GLI3: variants seen among roughly 807,000 people sequenced by gnomAD.
GLI3 encodes the protein transcription activator GLI3.
In GLI3, 20 loss-of-function variants were observed where a neutral mutation model predicts 100.8. That is an observed-to-expected ratio of 0.20 (90% CI 0.14 to 0.29). GLI3 has a LOEUF of 0.29. Among genes scored for constraint, GLI3 ranks in the 10% least tolerant of loss-of-function variants. GLI3 has a pLI of 1.00. For missense variants in GLI3, 2,040 were observed against 2,128.5 expected (o/e 0.96, Z 0.82); for synonymous variants, 938 against 860.5 (o/e 1.09, Z -1.58).
chr7:42,023,476 G>A lies in GLI3; in HGVS notation c.1489C>T (p.Leu497Phe). The A allele has an allele frequency of 6.2e-7, 1 of 1,614,168 alleles. No homozygotes were observed. ...GAATACCATCCACTTACGTGCACAAGCTGCTCTTGGGTGTCGAACTCCCTC... is the reference window on the plus strand; with the variant it reads ...GAATACCATCCACTTACGTGCACAAACTGCTCTTGGGTGTCGAACTCCCTC... Reference protein sequence around the residue: ...CAREFDTQEQLVHHINNDHIH... With the variant: ...CAREFDTQEQFVHHINNDHIH... The change falls in exon 10 of 15, where the codon CTT (leucine) becomes TTT (phenylalanine). Residue 497 changes from leucine (L) to phenylalanine (F), a missense_variant. Around this residue, in one of 5 missense-constraint regions of GLI3, gnomAD observed 603 missense variants for 690.9 expected, o/e 0.87. Transcript: ENST00000395925.
intron 12 of GLI3, 22 bp downstream of exon 12, chr7:41,977,536 C>T (rs1232989504): frequency 6.2e-7 from 1 of 1,612,336 alleles, no homozygotes; most frequent in Non-Finnish European, 8.5e-7. Flanking sequence ...ATGCAAGCTC[C>T]ATGCCCACTG....
intron 3 of GLI3, among the ~76,000 whole-genome samples, chr7:42,110,328 C>T (rs1461416700): frequency 6.6e-6 from 1 of 152,202 alleles, no homozygotes; most frequent in Non-Finnish European, 1.5e-5. Context: ...AATAAAGGTG[C>T]ATCTCCATTC....
In GLI3 at chr7:42,026,219, C is replaced by G. The variant is rs200411081; in HGVS notation, c.1222G>C (p.Gly408Arg). The G allele has an allele frequency of 1.2e-6, 2 of 1,613,044 alleles. No individual in the cohort carries two copies. Among genetic ancestry groups the G allele is most frequent in the Non-Finnish European group, 1.7e-6 (2 of 1,179,532 alleles). ...TVLNPVQVSSGPSESSQNKPT... is the reference protein window; with the variant it reads ...TVLNPVQVSSRPSESSQNKPT... The stretch of plus-strand genomic sequence containing the variant: ...CTCACCTGTGAGGACTCAGAAGGGC[C>G]GGAGCTGACCTGGACGGGGTTCAGA... Residue 408 changes from glycine to arginine, a missense_variant, in exon 8 of 15, where the codon GGC becomes CGC. This residue lies in a region of GLI3 where 603 missense variants were observed against 690.9 expected (regional missense o/e 0.87). Coordinates refer to ENST00000395925, the MANE Select transcript of GLI3 (RefSeq NM_000168.6).
intron 4 of GLI3, among the ~76,000 whole-genome samples, chr7:42,056,959 G>C (rs1051693875): frequency 1.4e-5 from 2 of 146,934 alleles, no homozygotes; most frequent in Non-Finnish European, 3.0e-5. Flanking sequence ...TCCAGCCAGG[G>C]CAATAAGAGC....
intron 2 of GLI3, among the ~76,000 whole-genome samples, chr7:42,182,656 A>ATATATATATATATATATACATGTGTG (rs1554337010): frequency 3.7e-5 from 2 of 53,700 alleles, no homozygotes; most frequent in African/African-American, 2.3e-4. Flanking sequence ...ATATATATAT[A>ATATATATATATATATATACATGTGTG]TATATATATA....
chr7:42,215,329 G>A (rs1045941175), intron 2 of GLI3, among the ~76,000 whole-genome samples: 4 of 152,216 alleles, frequency 2.6e-5, no homozygotes, highest in East Asian at 1.9e-4. Flanking sequence ...ATCTGGAAAC[G>A]TTTCTATGTA....
chr7:41,968,720 GAAAGAAAGAAAGA>G lies in GLI3; in HGVS notation c.2104-810_2104-798del, dbSNP rs1562661790. On this transcript the variant is annotated intron_variant, in intron 13 of 14. Transcript: ENST00000395925. ...AAGAAAGAAAGAAAGAAAGAAGAAA[GAAAGAAAGAAAGA>G]AAGAAAGAAAGAAAGAAAGAAAGAA... 2.0e-3 allele frequency among the ~76,000 whole-genome samples: 201 copies of G among 102,114 alleles called. 1 individual carries two copies. The highest frequency in any genetic ancestry group is 8.8e-3 in the Middle Eastern group (2 of 228). The allele number at this position is 102,114 out of a possible 152,430, so 67.0% of individuals were successfully genotyped here.
At chr7:42,238,805 C>T (rs1212458568), upstream of GLI3, among the ~76,000 whole-genome samples, 1 of 152,236 alleles carries the variant, frequency 6.6e-6, no homozygotes, top group Non-Finnish European at 1.5e-5. Context: ...GCCCCTGTGA[C>T]ATTCCAACAT....
rs764443642 is a variant in GLI3 at position 41,972,031 on chromosome 7, A to G, written c.2103+306T>C. Among the ~76,000 whole-genome samples the G allele has an allele frequency of 6.6e-6, 1 of 152,236 alleles. No individual in the cohort carries two copies. The highest frequency in any genetic ancestry group is 1.5e-5 in the Non-Finnish European group (1 of 68,042). The stretch of plus-strand genomic sequence containing the variant: ...AGAAGACAGAAAGCATGTTTACAGG[A>G]AGAGTCAATGAATGATTTTCGACAT... On this transcript the variant is annotated intron_variant, in intron 13 of 14. Coordinates refer to ENST00000395925, the MANE Select transcript of GLI3 (RefSeq NM_000168.6). This position sits in a 1 kb window ranked among gnomAD's most constrained non-coding sequence, Gnocchi z 4.4.
chr7:42,023,816 C>A lies in GLI3; in HGVS notation c.1357-208G>T, dbSNP rs527640416. Among the ~76,000 whole-genome samples, 4 of 152,174 alleles carry A rather than the reference C, an allele frequency of 2.6e-5. No individual in the cohort carries two copies. In the East Asian group the frequency reaches 7.7e-4, roughly 29 times the overall value. ...AGAGTTTTAAACGTCTGATTCAAGG[C>A]AACAGCCTGTCAAAATTATGAATTA... On this transcript the variant is annotated intron_variant, in intron 9 of 14. Coordinates refer to ENST00000395925, the MANE Select transcript of GLI3 (RefSeq NM_000168.6).
chr7:42,035,758 AAAG>A, intron 7 of GLI3, among the ~76,000 whole-genome samples: 1 of 152,220 alleles, frequency 6.6e-6, no homozygotes, highest in East Asian at 1.9e-4. Context: ...GGGTTTTAGC[AAAG>A]GTACACTATT....
intron 2 of GLI3, among the ~76,000 whole-genome samples, chr7:42,218,533 C>G (rs2128700867): frequency 6.6e-6 from 1 of 151,822 alleles, no homozygotes; most frequent in East Asian, 2.0e-4. Context: ...AATTGCAAGG[C>G]CAAGAAGTGA....
intron 10 of GLI3, among the ~76,000 whole-genome samples, chr7:41,979,220 G>A (rs961115770): frequency 1.3e-5 from 2 of 152,202 alleles, no homozygotes; most frequent in African/African-American, 4.8e-5. Flanking sequence ...AAAAGGGAAG[G>A]CACACACAGA....
intron 4 of GLI3, 36 bp from the exon 5 acceptor site, chr7:42,048,732 A>G: frequency 7.5e-7 from 1 of 1,327,884 alleles, no homozygotes. Flanking sequence ...AGGGGTATGC[A>G]TGAGACAAAT....
intron 3 of GLI3, among the ~76,000 whole-genome samples, chr7:42,083,300 T>G (rs1785035002): frequency 6.6e-6 from 1 of 152,366 alleles, no homozygotes; most frequent in South Asian, 2.1e-4. Context: ...AAGTTCTTTC[T>G]GCACCTGGCT....
At chr7:42,215,123 C>A (rs1259109087) in intron 2 of GLI3, among the ~76,000 whole-genome samples, 1 of 151,936 alleles carries the variant, frequency 6.6e-6, no homozygotes, top group Non-Finnish European at 1.5e-5. Flanking sequence ...GGGACTCACA[C>A]CATATGCGTT....
At chr7:42,099,037 T>TC (rs1470606923) in intron 3 of GLI3, among the ~76,000 whole-genome samples, 1 of 151,944 alleles carries the variant, frequency 6.6e-6, no homozygotes, top group African/African-American at 2.4e-5. Flanking sequence ...CCCTGCCTGC[T>TC]CCCCCGTGCC....
At position 42,007,222 on chromosome 7, in the gene GLI3, TAAA is replaced by T. The variant is rs35750462; in HGVS notation, c.1497+16243_1497+16245del. 7.3e-5 allele frequency among the ~76,000 whole-genome samples: 9 copies of T among 122,792 alleles called. No homozygotes were observed. The South Asian group carries it at 1.1e-3, about 15-fold the overall frequency. The allele number at this position is 122,792 out of a possible 152,430, so 80.6% of individuals were successfully genotyped here. On this transcript the variant is annotated intron_variant, in intron 10 of 14. Transcript: ENST00000395925. The stretch of plus-strand genomic sequence containing the variant: ...AGATAATGATGCTAAGGAGGAAATT[TAAA>T]AAAAAAAAAAAAAAAAGGAAGGAAG...
intron 1 of GLI3, among the ~76,000 whole-genome samples, chr7:42,253,840 G>A (rs1789057698): frequency 6.6e-6 from 1 of 152,162 alleles, no homozygotes; most frequent in Admixed American, 6.5e-5. Context: ...TTTTGATACA[G>A]GTTTAATTGT....
Sources: gnomAD v4.1 joint callset for allele counts (sites outside exome capture counted in the v4.1 genomes callset) on GRCh38, gnomAD v4.1.1 for gene constraint, gnomAD v4.1.1 regional missense constraint, Gnocchi (gnomAD v3.1) non-coding constraint, MANE v1.5 for transcripts, NCBI Gene and HGNC (gene_info 2026-07-23, HGNC 2026-07-21) for gene names.